HS6ST3: variants seen among roughly 807,000 people sequenced by gnomAD.
The protein encoded by HS6ST3 is heparan sulfate 6-O-sulfotransferase 3, also known as heparan-sulfate 6-O-sulfotransferase 3.
Under a neutral mutation model 36.7 loss-of-function variants are expected in HS6ST3, and 12 were observed. That is an observed-to-expected ratio of 0.33 (90% CI 0.21 to 0.53). The LOEUF is 0.53. Among genes scored for constraint, HS6ST3 ranks in the 20% least tolerant of loss-of-function variants. The probability of loss-of-function intolerance (pLI) is 0.95; values close to 1 mark genes in which losing one functional copy is unlikely to be tolerated. For missense variants in HS6ST3, 584 were observed against 640.9 expected (o/e 0.91, Z 0.96); for synonymous variants, 240 against 257.5 (o/e 0.93, Z 0.65).
intron 1 of HS6ST3, among the ~76,000 whole-genome samples, chr13:96,783,179 C>G (rs1348493661): frequency 6.6e-6 from 1 of 152,190 alleles, no homozygotes; most frequent in Non-Finnish European, 1.5e-5. Flanking sequence ...TGAACCCTGA[C>G]TGTCTCAATG....
At chr13:96,148,728 C>T (rs2054069660) in intron 1 of HS6ST3, among the ~76,000 whole-genome samples, 1 of 151,992 alleles carries the variant, frequency 6.6e-6, no homozygotes, top group African/African-American at 2.4e-5. Flanking sequence ...ATAAGGATGG[C>T]AAGAGGATGA....
intron 1 of HS6ST3, among the ~76,000 whole-genome samples, chr13:96,098,099 G>T: frequency 6.6e-6 from 1 of 152,142 alleles, no homozygotes; most frequent in Non-Finnish European, 1.5e-5. Flanking sequence ...TGGATTATTG[G>T]ACTTATTGGA....
At chr13:96,760,749 T>A (rs1876948570) in intron 1 of HS6ST3, among the ~76,000 whole-genome samples, 1 of 152,178 alleles carries the variant, frequency 6.6e-6, no homozygotes, top group African/African-American at 2.4e-5. Flanking sequence ...TCTGTTTTTA[T>A]TTTATAAGTT....
intron 1 of HS6ST3, among the ~76,000 whole-genome samples, chr13:96,330,098 C>T (rs1300127185): frequency 7.2e-6 from 1 of 139,718 alleles, no homozygotes; most frequent in African/African-American, 2.7e-5. Context: ...GATGGGTTTC[C>T]TGAATACAGC....
At chr13:96,608,490 G>A (rs2056446497) in intron 1 of HS6ST3, among the ~76,000 whole-genome samples, 1 of 152,186 alleles carries the variant, frequency 6.6e-6, no homozygotes, top group Admixed American at 6.5e-5. Flanking sequence ...TCTGGATCCA[G>A]CTGCAAATTG....
intron 1 of HS6ST3, among the ~76,000 whole-genome samples, chr13:96,177,472 G>A (rs1002542065): frequency 6.6e-6 from 1 of 152,100 alleles, no homozygotes; most frequent in East Asian, 1.9e-4. Context: ...TCCTTTGAGG[G>A]AACGTGGATG....
chr13:96,135,445 G>A (rs1454554767), intron 1 of HS6ST3, among the ~76,000 whole-genome samples: 1 of 152,096 alleles, frequency 6.6e-6, no homozygotes, highest in Admixed American at 6.5e-5. Context: ...TGTCATATGA[G>A]GAACAGTTGA....
chr13:96,244,008 A>G (rs2054573375), intron 1 of HS6ST3, among the ~76,000 whole-genome samples: 1 of 151,992 alleles, frequency 6.6e-6, no homozygotes, highest in Non-Finnish European at 1.5e-5. Flanking sequence ...AAACTAAAAA[A>G]GGCCCCCCCG....
intron 1 of HS6ST3, among the ~76,000 whole-genome samples, chr13:96,416,115 A>G (rs1422532342): frequency 6.6e-6 from 1 of 152,212 alleles, no homozygotes; most frequent in African/African-American, 2.4e-5. Context: ...ATCATGACAG[A>G]TTCATTTATA....
intron 1 of HS6ST3, among the ~76,000 whole-genome samples, chr13:96,289,745 C>T (rs1014205304): frequency 1.3e-5 from 2 of 152,058 alleles, no homozygotes; most frequent in Non-Finnish European, 2.9e-5. Context: ...GCAGATGCTA[C>T]AAAGACAGTA....
At chr13:96,407,222 G>A (rs2055483084) in intron 1 of HS6ST3, among the ~76,000 whole-genome samples, 1 of 152,008 alleles carries the variant, frequency 6.6e-6, no homozygotes. Context: ...TAAAGTTTCT[G>A]TCAGTTTGAT....
intron 1 of HS6ST3, among the ~76,000 whole-genome samples, chr13:96,333,988 G>A (rs560881774): frequency 5.3e-5 from 8 of 152,220 alleles, no homozygotes; most frequent in Admixed American, 2.0e-4. Context: ...CTGGGACATA[G>A]GGTACCTGTC....
At chr13:96,711,143 C>G (rs1399925616) in intron 1 of HS6ST3, among the ~76,000 whole-genome samples, 1 of 152,156 alleles carries the variant, frequency 6.6e-6, no homozygotes, top group South Asian at 2.1e-4. Context: ...GCTCTTGCAT[C>G]TTTCTTAGCC....
rs758596974 is a variant in HS6ST3, at chr13:96,091,401, G to T, written c.539G>T (p.Gly180Val). The change falls in exon 1 of 2, where the codon GGT becomes GTT. Residue 180 changes from glycine to valine, a missense_variant. Around this residue, in one of 3 missense-constraint regions of HS6ST3, gnomAD observed 360 missense variants for 411.3 expected, o/e 0.88. Transcript: ENST00000376705. ...GAGCAGCCTTGTAGCTGCAAAGCGG[G>T]TCAGAAGAAGTGCACCTGCCACCGG... is the stretch of plus-strand genomic sequence containing the variant. ...RLEQPCSCKA[G>V]QKKCTCHRPG... The T allele has an allele frequency of 1.2e-6, 2 of 1,613,598 alleles. No homozygotes were observed. The highest frequency in any genetic ancestry group is 1.7e-6 in the Non-Finnish European group (2 of 1,179,870).
intron 1 of HS6ST3, among the ~76,000 whole-genome samples, chr13:96,638,436 G>A (rs1310059045): frequency 6.6e-6 from 1 of 152,038 alleles, no homozygotes; most frequent in East Asian, 1.9e-4. Context: ...TTCATCTGTA[G>A]TAAGTGGATT....
intron 1 of HS6ST3, among the ~76,000 whole-genome samples, chr13:96,242,598 A>G (rs938951662): frequency 1.1e-4 from 17 of 152,202 alleles, no homozygotes; most frequent in Admixed American, 9.8e-4. Flanking sequence ...GCTTAGCATA[A>G]TATCTTCCAG....
intron 1 of HS6ST3, among the ~76,000 whole-genome samples, chr13:96,301,509 A>C (rs1053341515): frequency 6.6e-6 from 1 of 152,136 alleles, no homozygotes; most frequent in Non-Finnish European, 1.5e-5. Context: ...GTCTCTCTCT[A>C]TCTCTGTGAC....
intron 1 of HS6ST3, among the ~76,000 whole-genome samples, chr13:96,548,384 G>A (rs1234891054): frequency 6.6e-6 from 1 of 152,060 alleles, no homozygotes; most frequent in Non-Finnish European, 1.5e-5. Context: ...CTTTCACACC[G>A]TATCTCTGTA....
chr13:96,171,197 G>A (rs1377038142), intron 1 of HS6ST3, among the ~76,000 whole-genome samples: 2 of 152,200 alleles, frequency 1.3e-5, no homozygotes, highest in Non-Finnish European at 2.9e-5. Flanking sequence ...AAACCTTAGA[G>A]AGAATGGTTG....
Sources: gnomAD v4.1 joint callset for allele counts (sites outside exome capture counted in the v4.1 genomes callset) on GRCh38, gnomAD v4.1.1 for gene constraint, gnomAD v4.1.1 regional missense constraint, MANE v1.5 for transcripts, NCBI Gene and HGNC (gene_info 2026-07-23, HGNC 2026-07-21) for gene names.